DNM2: variants seen among roughly 807,000 people sequenced by gnomAD.
DNM2 encodes the protein dynamin 2, also known as dynamin-2.
A neutral mutation model predicts 99.0 loss-of-function variants in DNM2; 15 were observed. The observed-to-expected ratio is 0.15, with a 90% CI of 0.10 to 0.23. The LOEUF (loss-of-function observed/expected upper bound fraction) is 0.23. Ranked by LOEUF, DNM2 falls within the 10% of genes least tolerant of loss-of-function variation. DNM2 has a pLI of 1.00. For missense variants in DNM2, 742 were observed against 1,189.4 expected, an observed-to-expected ratio of 0.62 and a Z score of 5.53; for synonymous variants, 525 against 481.2, an observed-to-expected ratio of 1.09 and a Z score of -1.19.
intron 14 of DNM2, chr19:10,809,405 C>G (rs2072461851): frequency 6.6e-6 from 1 of 152,340 alleles, no homozygotes; most frequent in Admixed American, 6.5e-5. Flanking sequence ...ATTCTCACCA[C>G]AGTGCTTCAG....
intron 1 of DNM2, among the ~76,000 whole-genome samples, chr19:10,727,275 T>C (rs1955213954): frequency 6.6e-6 from 1 of 152,180 alleles, no homozygotes; most frequent in Non-Finnish European, 1.5e-5. Flanking sequence ...AATCCCCTGG[T>C]AATAACCTGG....
chr19:10,784,447 A>G (rs1192943549), intron 6 of DNM2, among the ~76,000 whole-genome samples: 1 of 151,620 alleles, frequency 6.6e-6, no homozygotes, highest in African/African-American at 2.4e-5. Context: ...GGGAAGTAAA[A>G]CTCCGCAGCT....
rs180718239 is a variant in DNM2, at chr19:10,766,153, C to T, written c.236-6326C>T. On this transcript the variant is annotated intron_variant, in intron 2 of 20. Transcript: ENST00000389253. The stretch of plus-strand genomic sequence containing the variant: ...CTCCTCCCTCTCTCCCTCTCCTCAC[C>T]TCCCCAAACCCTGCTGTCTTTTCTG... Among the ~76,000 whole-genome samples, 20 of 152,308 alleles carry T rather than the reference C, an allele frequency of 1.3e-4. No individual in the cohort carries two copies. In the East Asian group the frequency reaches 3.5e-3, roughly 26 times the overall value.
chr19:10,723,379 G>A (rs796848434), intron 1 of DNM2, among the ~76,000 whole-genome samples: 6 of 151,724 alleles, frequency 4.0e-5, no homozygotes, highest in South Asian at 2.1e-4. Context: ...GTGATCTGCC[G>A]GCCATGGCCT....
chr19:10,799,534 G>GTTTTTTT (rs897961120), intron 11 of DNM2, among the ~76,000 whole-genome samples: 2 of 106,520 alleles, frequency 1.9e-5, no homozygotes. Flanking sequence ...GTGGTTTTTT[G>GTTTTTTT]TTTTTTTTTT....
rs1031463664 is a variant in DNM2 at position 10,816,762 on chromosome 19, C to T, written c.1672-3218C>T. Among the ~76,000 whole-genome samples the T allele has an allele frequency of 1.3e-5, 2 of 152,206 alleles. No homozygotes were observed. Among genetic ancestry groups the T allele is most frequent in the African/African-American group, 4.8e-5 (2 of 41,456 alleles). On this transcript the variant is annotated intron_variant, in intron 15 of 20. Coordinates refer to ENST00000389253, the MANE Select transcript of DNM2 (RefSeq NM_001005361.3). This position sits in a 1 kb window ranked among gnomAD's most constrained non-coding sequence, Gnocchi z 4.6. ...CCTGGGGCAGCGAGCCTTGGAGGAG[C>T]CTCTGGGCCTGAACCTCAGCCTGGC... is the stretch of plus-strand genomic sequence containing the variant.
chr19:10,806,559 G>A (rs1438550076), intron 13 of DNM2, among the ~76,000 whole-genome samples: 1 of 152,158 alleles, frequency 6.6e-6, no homozygotes, highest in African/African-American at 2.4e-5. Flanking sequence ...AGGAGGCTGA[G>A]GCGGGCGGAT....
intron 7 of DNM2, 59 bp from the exon 8 acceptor site, chr19:10,793,661 C>T (rs181159267): frequency 2.5e-5 from 41 of 1,613,984 alleles, no homozygotes; most frequent in Admixed American, 1.2e-4. Context: ...CTTGGAACAT[C>T]ATTCCAGAGT....
intron 1 of DNM2, among the ~76,000 whole-genome samples, chr19:10,748,709 TG>T (rs773969535): frequency 3.3e-4 from 51 of 152,334 alleles, no homozygotes; most frequent in Admixed American, 1.3e-4. Context: ...CTGAGCGTCC[TG>T]GGCAAGTCCT....
chr19:10,781,361 C>T (rs1016837111), intron 5 of DNM2: 3 of 152,242 alleles, frequency 2.0e-5, no homozygotes, highest in African/African-American at 7.2e-5. Flanking sequence ...TTTCCCTCCT[C>T]CCTCTTGGAT....
intron 18 of DNM2, among the ~76,000 whole-genome samples, chr19:10,827,713 AC>A (rs1302582912): frequency 2.0e-5 from 3 of 151,796 alleles, no homozygotes; most frequent in African/African-American, 7.3e-5. Flanking sequence ...TACTAAAAAT[AC>A]AAAAATTAGC....
At chr19:10,781,079 A>G (rs1482411796) in intron 5 of DNM2, among the ~76,000 whole-genome samples, 1 of 149,924 alleles carries the variant, frequency 6.7e-6, no homozygotes, top group African/African-American at 2.5e-5. Context: ...ACTCCCAGCT[A>G]CTCAGGAGGC....
rs531203645 is a variant in DNM2 at position 10,830,702 on chromosome 19, C to T, written c.2544-276C>T. On this transcript the variant is annotated intron_variant, in intron 20 of 20. Coordinates refer to ENST00000389253, the MANE Select transcript of DNM2 (RefSeq NM_001005361.3). This position sits in a 1 kb window ranked among gnomAD's most constrained non-coding sequence, Gnocchi z 4.8. The stretch of plus-strand genomic sequence containing the variant: ...TCTTCTCCTTCCTGCTCCTGCCTGC[C>T]TCAACCTACCGTGGGCCAGGCTTTA... 2.1e-4 allele frequency among the ~76,000 whole-genome samples: 32 copies of T among 152,318 alleles called. No homozygotes were observed. Among genetic ancestry groups the T allele is most frequent in the African/African-American group, 7.5e-4 (31 of 41,570 alleles).
intron 5 of DNM2, among the ~76,000 whole-genome samples, chr19:10,777,474 C>T (rs1489989160): frequency 2.0e-5 from 3 of 152,164 alleles, no homozygotes; most frequent in South Asian, 4.1e-4. Context: ...TAAACTCACC[C>T]GCAGCCACAC....
chr19:10,828,081 G>A (rs2073206757), intron 18 of DNM2, among the ~76,000 whole-genome samples: 1 of 151,874 alleles, frequency 6.6e-6, no homozygotes, highest in Admixed American at 6.6e-5. Context: ...CTGAGGTCAG[G>A]AGTTAAAGAC....
Position 10,812,220 on chromosome 19 carries a change from G to T in DNM2, c.1558-44G>T. The T allele has an allele frequency of 6.6e-7, 1 of 1,513,538 alleles. No individual in the cohort carries two copies. The highest frequency in any genetic ancestry group is 9.0e-7 in the Non-Finnish European group (1 of 1,114,992). The allele number at this position is 1,513,538 out of a possible 1,614,324, so 93.8% of individuals were successfully genotyped here. ...GGCTGCTGCGCTGGGGGATGGCTGG[G>T]GCACGGAGCGAGGTTCCCTGCTAAG... On this transcript the variant is annotated intron_variant, in intron 14 of 20. Coordinates refer to ENST00000389253, the MANE Select transcript of DNM2 (RefSeq NM_001005361.3). This position sits in a 1 kb window ranked among gnomAD's most constrained non-coding sequence, Gnocchi z 4.0.
intron 12 of DNM2, among the ~76,000 whole-genome samples, chr19:10,805,307 C>T (rs1223912111): frequency 6.6e-6 from 1 of 152,200 alleles, no homozygotes; most frequent in African/African-American, 2.4e-5. Context: ...GTTAGAGCCA[C>T]TTACAGGCTG....
chr19:10,730,710 G>A (rs929076270), intron 1 of DNM2, among the ~76,000 whole-genome samples: 1 of 152,210 alleles, frequency 6.6e-6, no homozygotes, highest in African/African-American at 2.4e-5. Flanking sequence ...GGCAGCGTGG[G>A]TGTCTATCTG....
chr19:10,774,925 A>G (rs997808824), intron 3 of DNM2, among the ~76,000 whole-genome samples: 2 of 151,670 alleles, frequency 1.3e-5, no homozygotes, highest in East Asian at 1.9e-4. Flanking sequence ...GCACACCATC[A>G]TGCCAGGCTA....
Sources: gnomAD v4.1 joint callset for allele counts (sites outside exome capture counted in the v4.1 genomes callset) on GRCh38, gnomAD v4.1.1 for gene constraint, Gnocchi (gnomAD v3.1) non-coding constraint, MANE v1.5 for transcripts, NCBI Gene and HGNC (gene_info 2026-07-23, HGNC 2026-07-21) for gene names.